Variants in KIDINS220 observed in about 807,000 individuals in gnomAD.
KIDINS220 encodes kinase D-interacting substrate of 220 kDa.
KIDINS220 carries 63 observed loss-of-function variants against 157.6 expected under a neutral mutation model. That is an observed-to-expected ratio of 0.40 (90% confidence interval 0.33 to 0.49). The LOEUF (loss-of-function observed/expected upper bound fraction) is 0.49, where lower values mean the gene tolerates loss of function less well. Ranked by LOEUF, KIDINS220 falls within the 20% of genes least tolerant of loss-of-function variation. KIDINS220 has a pLI of 0.66. For synonymous variants in KIDINS220, 732 were observed against 783.6 expected (o/e 0.93, Z 1.10); for missense variants, 1,772 against 2,171.2 (o/e 0.82, Z 3.65).
downstream of KIDINS220, chr2:8,725,264 C>T (rs371088419): frequency 6.6e-6 from 1 of 152,174 alleles, no homozygotes; most frequent in South Asian, 2.1e-4. Context: ...GTTGCAGGAA[C>T]TATGATAAAT....
At chr2:8,808,117 C>T (rs749113561) in intron 6 of KIDINS220, among the ~76,000 whole-genome samples, 1 of 151,742 alleles carries the variant, frequency 6.6e-6, no homozygotes, top group African/African-American at 2.4e-5. Flanking sequence ...GAGCAAGACT[C>T]TGTCTCAAAA....
At chr2:8,770,240 C>T (rs1279162399) in intron 22 of KIDINS220, among the ~76,000 whole-genome samples, 1 of 151,822 alleles carries the variant, frequency 6.6e-6, no homozygotes, top group East Asian at 1.9e-4. Context: ...CCCGCCTCTA[C>T]AAAAAAATAA....
At position 8,730,987 on chromosome 2, in the gene KIDINS220, C is replaced by G; in HGVS notation, c.5049G>C (p.Val1683=). Residue 1683 remains valine (V), a synonymous_variant, in exon 30 of 30, where the codon GTG becomes GTC. Coordinates refer to ENST00000256707, the MANE Select transcript of KIDINS220 (RefSeq NM_020738.4). ...CTGGAGCACTATTGTTGTTCAGAGT[C>G]ACGGTGCTGGGAGTTCGGTTCAGGT... The part of the protein sequence containing the change: ...AYNLNRTPST[V]TLNNNSAPAN... 6.2e-7 allele frequency: 1 copy of G among 1,614,196 alleles called. No homozygotes were observed. Among genetic ancestry groups the G allele is most frequent in the Non-Finnish European group, 8.5e-7 (1 of 1,180,040 alleles).
In KIDINS220 at chr2:8,779,733, C is replaced by A. The variant is rs1407678419; in HGVS notation, c.2311G>T (p.Val771Phe). ...CAGGCATCTAATCCATCGATGATGA[C>A]CACCAGCCTTGTCTGATTCTGAGTG... is the stretch of plus-strand genomic sequence containing the variant. ...SFTQNQTRLVVIIDGLDACEQ... is the reference protein window; with the variant it reads ...SFTQNQTRLVFIIDGLDACEQ... The change falls in exon 18 of 30, where the codon GTC becomes TTC. Residue 771 changes from valine to phenylalanine, a missense_variant. Transcript: ENST00000256707. 1 of 1,614,170 alleles carries A rather than the reference C, an allele frequency of 6.2e-7. No individual in the cohort carries two copies.
At chr2:8,726,889 T>TAG, downstream of KIDINS220, 2 of 1,287,296 alleles carry the variant, frequency 1.6e-6, no homozygotes, top group Non-Finnish European at 1.0e-6. Flanking sequence ...TTACATACCT[T>TAG]AGTTTAATCT....
downstream of KIDINS220, chr2:8,721,510 AT>A (rs1293525937): frequency 4.6e-5 from 7 of 152,346 alleles, 1 homozygote; most frequent in African/African-American, 1.7e-4. Context: ...ATGGCTATAG[AT>A]TTTTAAGTTT....
At position 8,729,369 on chromosome 2, in the gene KIDINS220, G is replaced by A. The variant is rs1307206799; in HGVS notation, c.*1351C>T. ...TGTAACACTGAATCTAGATAATAGC[G>A]CATCTGCGATCTCACCATCTACCGT... On this transcript the variant is annotated 3_prime_UTR_variant, in exon 30 of 30. Coordinates refer to ENST00000256707, the MANE Select transcript of KIDINS220 (RefSeq NM_020738.4). 3 of 985,312 alleles carry A rather than the reference G, an allele frequency of 3.0e-6. No homozygotes were observed. Among genetic ancestry groups the A allele is most frequent in the African/African-American group, 1.7e-5 (1 of 57,234 alleles). 61.0% of individuals were successfully genotyped at this position (985,312 alleles called of 1,614,324 possible). A position where few individuals can be genotyped will look rare whatever the true frequency, so the allele number is the denominator to read the frequency against.
At chr2:8,794,045 A>T (rs1250796239) in intron 11 of KIDINS220, 58 bp from the exon 12 acceptor site, 1 of 1,281,266 alleles carries the variant, frequency 7.8e-7, no homozygotes, top group African/African-American at 1.5e-5. Context: ...GTATGCAGAC[A>T]GTAACAATTT....
intron 22 of KIDINS220, among the ~76,000 whole-genome samples, chr2:8,756,615 G>C (rs754224502): frequency 1.6e-4 from 24 of 152,198 alleles, no homozygotes; most frequent in Admixed American, 2.6e-4. Flanking sequence ...CAGATGGTCA[G>C]GTTCTGGTAA....
chr2:8,776,711 T>G lies in KIDINS220; in HGVS notation c.2848+37A>C, dbSNP rs780919962. ...TAAATGGTTTTGTGAATGCTAAAGC[T>G]TATTAACTATCATAGACAATAAGAG... On this transcript the variant is annotated intron_variant, in intron 21 of 29. Coordinates refer to ENST00000256707, the MANE Select transcript of KIDINS220 (RefSeq NM_020738.4). The G allele has an allele frequency of 1.0e-5, 16 of 1,576,724 alleles. No individual in the cohort carries two copies. In the African/African-American group the frequency reaches 2.2e-4, roughly 21 times the overall value.
rs779611810 is a variant in KIDINS220, at chr2:8,731,794, G to A, written c.4242C>T (p.Ser1414=). ...ATGAACTCTGACCCATGTAATATGT[G>A]CTATGTGGAGAAGATCTGCCACTAA... The part of the protein sequence containing the change: ...TTISGRSSPH[S]TYYMGQSSSG... The change falls in exon 30 of 30, where the codon AGC becomes AGT. Residue 1414 remains serine (S), a synonymous_variant. Coordinates refer to ENST00000256707, the MANE Select transcript of KIDINS220 (RefSeq NM_020738.4). The surrounding 1 kb of genome is among the most constrained non-coding windows in gnomAD (Gnocchi z 5.2). 5.0e-6 allele frequency: 8 copies of A among 1,614,096 alleles called. No homozygotes were observed. The East Asian group carries it at 1.8e-4, about 36-fold the overall frequency.
At chr2:8,834,026 T>C (rs1284709907) in intron 1 of KIDINS220, among the ~76,000 whole-genome samples, 1 of 152,060 alleles carries the variant, frequency 6.6e-6, no homozygotes, top group Non-Finnish European at 1.5e-5. Flanking sequence ...ACACAGTAAG[T>C]TCCTGAATGT....
At chr2:8,774,434 T>C (rs746343879) in intron 21 of KIDINS220, among the ~76,000 whole-genome samples, 50 of 151,642 alleles carry the variant, frequency 3.3e-4, no homozygotes, top group Non-Finnish European at 5.7e-4. Flanking sequence ...GAATTAGAGG[T>C]GATTTTTTCT....
At chr2:8,721,671 C>G (rs1314406444), downstream of KIDINS220, 2 of 152,062 alleles carry the variant, frequency 1.3e-5, no homozygotes, top group Non-Finnish European at 2.9e-5. Context: ...TCAGCTCATC[C>G]CTAACTGGTA....
chr2:8,748,943 A>G lies in KIDINS220; in HGVS notation c.3415-943T>C, dbSNP rs532849552. 5.9e-5 allele frequency among the ~76,000 whole-genome samples: 9 copies of G among 152,338 alleles called. No homozygotes were observed. The South Asian group carries it at 1.9e-3, about 32-fold the overall frequency. On this transcript the variant is annotated intron_variant, in intron 24 of 29. Coordinates refer to ENST00000256707, the MANE Select transcript of KIDINS220 (RefSeq NM_020738.4). ...TTTTTAAAATAAGCTTCTCAGTTTC[A>G]AATTTTCAGTTGGTATCAACGGAGC...
intron 4 of KIDINS220, 63 bp from the exon 5 acceptor site, chr2:8,813,398 T>C: frequency 9.0e-7 from 1 of 1,111,894 alleles, no homozygotes; most frequent in Non-Finnish European, 1.3e-6. Flanking sequence ...ATAAAAAATG[T>C]CACTAATGAA....
intron 2 of KIDINS220, among the ~76,000 whole-genome samples, chr2:8,823,249 A>G (rs1183904393): frequency 6.6e-6 from 1 of 152,138 alleles, no homozygotes; most frequent in African/African-American, 2.4e-5. Flanking sequence ...CACCACATAC[A>G]GCCTACCCAC....
intron 1 of KIDINS220, among the ~76,000 whole-genome samples, chr2:8,829,718 T>C (rs955407858): frequency 1.3e-5 from 2 of 152,078 alleles, no homozygotes; most frequent in Non-Finnish European, 2.9e-5. Flanking sequence ...AAAGAACAAA[T>C]GGTGATGGGC....
intron 2 of KIDINS220, among the ~76,000 whole-genome samples, chr2:8,819,923 T>G (rs1008428875): frequency 9.9e-5 from 15 of 151,928 alleles, no homozygotes; most frequent in Non-Finnish European, 2.2e-4. Context: ...ATGAGAAAAA[T>G]GTACACCAAA....
Sources: gnomAD v4.1 joint callset for allele counts (sites outside exome capture counted in the v4.1 genomes callset) on GRCh38, gnomAD v4.1.1 for gene constraint, Gnocchi (gnomAD v3.1) non-coding constraint, MANE v1.5 for transcripts, NCBI Gene and HGNC (gene_info 2026-07-23, HGNC 2026-07-21) for gene names.